The following TBC1D4 variants were observed in gnomAD, a reference collection of about 807,000 sequenced individuals.
TBC1D4 encodes TBC1 domain family member 4, also known as TBC (Tre-2, BUB2, CDC16) domain-containing protein.
A neutral mutation model predicts 142.5 loss-of-function variants in TBC1D4; 121 were observed. The observed-to-expected ratio is 0.85, with a 90% CI of 0.73 to 0.99. The LOEUF is 0.99. Among genes scored for constraint, TBC1D4 ranks in the 50% least tolerant of loss-of-function variants. The pLI is 0.00. For missense variants in TBC1D4, 1,475 were observed against 1,606.6 expected (o/e 0.92, Z 1.40); for synonymous variants, 630 against 628.2 (o/e 1.00, Z -0.04).
intron 4 of TBC1D4, among the ~76,000 whole-genome samples, chr13:75,354,656 G>A (rs1207751990): frequency 1.3e-5 from 2 of 151,870 alleles, no homozygotes; most frequent in African/African-American, 4.9e-5. Flanking sequence ...GTAGAGGAGG[G>A]ACACAGAGAA....
At chr13:75,459,865 A>G (rs1462038661) in intron 1 of TBC1D4, among the ~76,000 whole-genome samples, 1 of 152,188 alleles carries the variant, frequency 6.6e-6, no homozygotes, top group African/African-American at 2.4e-5. Flanking sequence ...CATATTGGCA[A>G]GGCGCGGTGG....
rs1593912982 is a variant in TBC1D4, at chr13:75,314,366, G to A, written c.2223-1468C>T. On this transcript the variant is annotated intron_variant, in intron 12 of 20. Transcript: ENST00000377636. Reference sequence around the variant, plus strand: ...GAACAGCCACTCTCAGATACTCAAAGGAACTCAATAGTGTTGAGGCAATTA... The same window carrying A: ...GAACAGCCACTCTCAGATACTCAAAAGAACTCAATAGTGTTGAGGCAATTA... Among the ~76,000 whole-genome samples, 3 of 152,218 alleles carry A rather than the reference G, an allele frequency of 2.0e-5. No individual in the cohort carries two copies. In the South Asian group the frequency reaches 6.2e-4, roughly 32 times the overall value.
chr13:75,475,910 A>G (rs141071600), intron 1 of TBC1D4, among the ~76,000 whole-genome samples: 26 of 152,248 alleles, frequency 1.7e-4, no homozygotes, highest in African/African-American at 6.3e-4. Flanking sequence ...ACATAATGAG[A>G]TATCTTAAGG....
intron 1 of TBC1D4, among the ~76,000 whole-genome samples, chr13:75,459,636 C>T (rs1887879895): frequency 6.6e-6 from 1 of 152,072 alleles, no homozygotes; most frequent in Admixed American, 6.5e-5. Context: ...TTTCCCAAAA[C>T]AGTGGTAGGA....
intron 12 of TBC1D4, among the ~76,000 whole-genome samples, chr13:75,315,429 T>TATATATATATACAC (rs60926673): frequency 0.68 from 98,825 of 145,988 alleles, 38,661 homozygotes; most frequent in Non-Finnish European, 0.87. Flanking sequence ...CACACACATA[T>TATATATATATACAC]ATATATATAT....
chr13:75,299,345 G>A lies in TBC1D4; in HGVS notation c.3141C>T (p.Asp1047=), dbSNP rs1876274253. The change falls in exon 17 of 21, where the codon GAC becomes GAT. Residue 1047 remains aspartate (D), a synonymous_variant. Transcript: ENST00000377636. The part of the protein sequence containing the change: ...DLGFRKQYRP[D]MMSLQIQMYQ... ...AGTGCCTCACCTGCAGCGACATCAT[G>A]TCAGGTCTGTACTGCTTGCGGAAGC... The A allele has an allele frequency of 1.2e-6, 2 of 1,614,026 alleles. No homozygotes were observed. Among genetic ancestry groups the A allele is most frequent in the Admixed American group, 1.7e-5 (1 of 60,008 alleles).
At chr13:75,399,619 G>T (rs1404042183) in intron 1 of TBC1D4, among the ~76,000 whole-genome samples, 1 of 152,196 alleles carries the variant, frequency 6.6e-6, no homozygotes, top group East Asian at 1.9e-4. Context: ...AGACTGCTGG[G>T]CATCTTGGGA....
At chr13:75,334,688 A>T (rs1880049658) in intron 8 of TBC1D4, among the ~76,000 whole-genome samples, 1 of 152,032 alleles carries the variant, frequency 6.6e-6, no homozygotes, top group Admixed American at 6.5e-5. Flanking sequence ...GGTTCCAGTG[A>T]TTCTCGTGCC....
At chr13:75,478,982 A>C (rs1300256032) in intron 1 of TBC1D4, among the ~76,000 whole-genome samples, 1 of 152,244 alleles carries the variant, frequency 6.6e-6, no homozygotes, top group Admixed American at 6.5e-5. Context: ...CAGTACTTTA[A>C]AATGCGGGGT....
intron 2 of TBC1D4, among the ~76,000 whole-genome samples, chr13:75,361,642 G>C (rs976210549): frequency 6.6e-5 from 10 of 152,160 alleles, no homozygotes; most frequent in African/African-American, 2.2e-4. Flanking sequence ...GGCCTCCCAA[G>C]GTGCCGGAAT....
At chr13:75,352,439 T>C (rs1418005757) in intron 4 of TBC1D4, among the ~76,000 whole-genome samples, 1 of 152,144 alleles carries the variant, frequency 6.6e-6, no homozygotes, top group Non-Finnish European at 1.5e-5. Flanking sequence ...TTGGTCTGCA[T>C]CTGTGGAGTT....
rs1232682507 is a variant in TBC1D4, at chr13:75,472,119, A to G, written c.498+9151T>C. ...CAGACTCTGTCTCAAAAAAAAAAAA[A>G]AAAAAAAGAAAAGAAATATGGATGG... On this transcript the variant is annotated intron_variant, in intron 1 of 20. Transcript: ENST00000377636. 6.6e-5 allele frequency among the ~76,000 whole-genome samples: 10 copies of G among 150,740 alleles called. 1 individual carries two copies. Among genetic ancestry groups the G allele is most frequent in the East Asian group, 2.0e-4 (1 of 5,126 alleles).
intron 1 of TBC1D4, among the ~76,000 whole-genome samples, chr13:75,391,571 T>A (rs536526696): frequency 6.6e-6 from 1 of 152,346 alleles, no homozygotes; most frequent in African/African-American, 2.4e-5. Context: ...TGTGCTAGGT[T>A]TTCTCCACTT....
At position 75,381,054 on chromosome 13, in the gene TBC1D4, C is replaced by T. The variant is rs535805907; in HGVS notation, c.499-18447G>A. 4.6e-5 allele frequency among the ~76,000 whole-genome samples: 7 copies of T among 152,246 alleles called. No homozygotes were observed. In the South Asian group the frequency reaches 1.5e-3, roughly 32 times the overall value. On this transcript the variant is annotated intron_variant, in intron 1 of 20. Transcript: ENST00000377636. ...CATCCTCTATAAAATAGGGATAATA[C>T]CTGTAACCTATAAAAACTGTGAGAA...
intron 1 of TBC1D4, among the ~76,000 whole-genome samples, chr13:75,444,110 A>C (rs1417936777): frequency 6.6e-6 from 1 of 152,124 alleles, no homozygotes; most frequent in East Asian, 1.9e-4. Flanking sequence ...TAGCTGTAAG[A>C]AGCAAATGAT....
intron 14 of TBC1D4, among the ~76,000 whole-genome samples, chr13:75,307,751 C>T (rs1877325649): frequency 6.6e-6 from 1 of 152,194 alleles, no homozygotes; most frequent in Non-Finnish European, 1.5e-5. Flanking sequence ...AAAGTCCAAA[C>T]ATAATCTAAA....
intron 1 of TBC1D4, among the ~76,000 whole-genome samples, chr13:75,442,554 G>A (rs557973119): frequency 4.3e-4 from 66 of 152,202 alleles, no homozygotes; most frequent in Non-Finnish European, 6.6e-4. Flanking sequence ...GCCGAGGCAG[G>A]CAGATCACAA....
intron 11 of TBC1D4, among the ~76,000 whole-genome samples, chr13:75,322,203 A>G (rs1878837037): frequency 6.6e-6 from 1 of 152,258 alleles, no homozygotes; most frequent in Admixed American, 6.5e-5. Flanking sequence ...ATTTTCTGCT[A>G]TCAAACTTTC....
At chr13:75,435,240 C>T (rs371789245) in intron 1 of TBC1D4, among the ~76,000 whole-genome samples, 6 of 149,936 alleles carry the variant, frequency 4.0e-5, no homozygotes, top group African/African-American at 4.9e-5. Context: ...CTACAGAATG[C>T]GAAAAAATAT....
Sources: gnomAD v4.1 joint callset for allele counts (sites outside exome capture counted in the v4.1 genomes callset) on GRCh38, gnomAD v4.1.1 for gene constraint, MANE v1.5 for transcripts, NCBI Gene and HGNC (gene_info 2026-07-23, HGNC 2026-07-21) for gene names.